CYP24A1: variants seen among roughly 807,000 people sequenced by gnomAD.
CYP24A1 encodes the protein cytochrome P450 family 24 subfamily A member 1.
In CYP24A1, 68 loss-of-function variants were observed where a neutral mutation model predicts 62.4. The ratio of observed to expected loss-of-function variants is 1.09; its 90% CI spans 0.90 to 1.33. The LOEUF (loss-of-function observed/expected upper bound fraction) is 1.33. Among genes scored for constraint, CYP24A1 ranks in the 40% most tolerant of loss-of-function variants. CYP24A1 has a pLI of 0.00. For missense variants in CYP24A1, 787 were observed against 653.0 expected (o/e 1.21, Z -2.24); for synonymous variants, 267 against 253.0 (o/e 1.06, Z -0.52).
intron 2 of CYP24A1, 178 bp downstream of exon 2, chr20:54,172,731 G>A (rs2092698068): frequency 1.4e-6 from 2 of 1,408,154 alleles, no homozygotes; most frequent in Non-Finnish European, 1.9e-6. Flanking sequence ...TCCGTGGACC[G>A]ACTCTAATCT....
intron 5 of CYP24A1, 116 bp downstream of exon 5, chr20:54,165,626 A>C: frequency 1.3e-6 from 1 of 749,232 alleles, no homozygotes; most frequent in Non-Finnish European, 2.4e-6. Context: ...TGAACACTTA[A>C]CTATTGAAAT....
rs2146514913 is a variant in CYP24A1 at position 54,173,240 on chromosome 20, C to T, written c.258+82G>A. 1.3e-6 allele frequency: 2 copies of T among 1,504,862 alleles called. No homozygotes were observed. Among genetic ancestry groups the T allele is most frequent in the South Asian group, 1.1e-5 (1 of 87,474 alleles). The allele number at this position is 1,504,862 out of a possible 1,614,324, so 93.2% of individuals were successfully genotyped here. A position where few individuals can be genotyped will look rare whatever the true frequency, so the allele number is the denominator to read the frequency against. Reference sequence around the variant, plus strand: ...GCCGAAGCGCACCATGCGCCCGAGGCGCGCATGTCGGGGAGGGTTTGGAGC... The same window carrying T: ...GCCGAAGCGCACCATGCGCCCGAGGTGCGCATGTCGGGGAGGGTTTGGAGC... On this transcript the variant is annotated intron_variant, in intron 1 of 11. Coordinates refer to ENST00000216862, the MANE Select transcript of CYP24A1 (RefSeq NM_000782.5). This position sits in a 1 kb window ranked among gnomAD's most constrained non-coding sequence, Gnocchi z 7.2.
At chr20:54,156,273 C>T (rs1782363233) in intron 11 of CYP24A1, among the ~76,000 whole-genome samples, 1 of 152,060 alleles carries the variant, frequency 6.6e-6, no homozygotes, top group Non-Finnish European at 1.5e-5. Context: ...AAAGGGCTTT[C>T]CAGATGAAAT....
At chr20:54,161,269 C>T (rs538558753) in intron 7 of CYP24A1, among the ~76,000 whole-genome samples, 1 of 152,238 alleles carries the variant, frequency 6.6e-6, no homozygotes, top group African/African-American at 2.4e-5. Flanking sequence ...CTGTGGCTGG[C>T]TCTTCTCATT....
In CYP24A1 at chr20:54,173,517, C is replaced by G. The variant is rs1055796208; in HGVS notation, c.63G>C (p.Pro21=). Residue 21 remains proline (P), a synonymous_variant, in exon 1 of 12, where the codon CCG becomes CCC. Transcript: ENST00000216862. This position sits in a 1 kb window ranked among gnomAD's most constrained non-coding sequence, Gnocchi z 7.2. ...ATGTCACCAGTCTCGGGGGCTGCCT[C>G]GGACTGCGCAGCTGCTGCAGGAAGG... The part of the protein sequence containing the change: ...LAAFLQQLRS[P]RQPPRLVTST... 6.4e-7 allele frequency: 1 copy of G among 1,571,284 alleles called. No homozygotes were observed. Among genetic ancestry groups the G allele is most frequent in the Admixed American group, 1.8e-5 (1 of 55,238 alleles).
chr20:54,163,326 A>G (rs534746292), intron 6 of CYP24A1, among the ~76,000 whole-genome samples: 16 of 152,354 alleles, frequency 1.1e-4, no homozygotes, highest in African/African-American at 3.4e-4. Flanking sequence ...CCCCACATAC[A>G]TACGCACAAG....
rs773223106 is a variant in CYP24A1 at position 54,173,584 on chromosome 20, G to C, written c.-5C>G. On this transcript the variant is annotated 5_prime_UTR_variant, in exon 1 of 12. Coordinates refer to ENST00000216862, the MANE Select transcript of CYP24A1 (RefSeq NM_000782.5). This position sits in a 1 kb window ranked among gnomAD's most constrained non-coding sequence, Gnocchi z 7.2. ...CTTGCTGATGGGGGAGCTCATGGCA[G>C]CGGGGGACACCGGAGCGCGGGAAGG... 1 of 1,571,608 alleles carries C rather than the reference G, an allele frequency of 6.4e-7. No homozygotes were observed.
intron 4 of CYP24A1, 94 bp from the exon 5 acceptor site, chr20:54,165,927 C>T (rs2092670380): frequency 1.2e-6 from 1 of 829,912 alleles, no homozygotes; most frequent in Admixed American, 1.8e-5. Flanking sequence ...TTCTATGCCT[C>T]TTAAAAGTGT....
the CYP24A1 span, among the ~76,000 whole-genome samples, chr20:54,148,127 T>C: frequency 6.6e-6 from 1 of 152,162 alleles, no homozygotes; most frequent in Non-Finnish European, 1.5e-5. Flanking sequence ...TGAGCCACTG[T>C]GCCCGGCCTG....
chr20:54,156,068 C>T (rs2092626843), intron 11 of CYP24A1, among the ~76,000 whole-genome samples: 1 of 152,124 alleles, frequency 6.6e-6, no homozygotes, highest in Non-Finnish European at 1.5e-5. Flanking sequence ...GTGTTCAATA[C>T]AGGCTGATAA....
intron 11 of CYP24A1, 55 bp downstream of exon 11, chr20:54,157,114 A>C: frequency 1.2e-6 from 1 of 868,960 alleles, no homozygotes. Flanking sequence ...AGCATAGCTC[A>C]TCCCTCGTCA....
Position 54,158,073 on chromosome 20 carries a change from A to G in CYP24A1, c.1236+13T>C, listed in dbSNP as rs34687513. The G allele has an allele frequency of 3.7e-5, 60 of 1,613,262 alleles. No individual in the cohort carries two copies. The Middle Eastern group carries it at 1.2e-3, about 31-fold the overall frequency. The stretch of plus-strand genomic sequence containing the variant: ...AGGTTTTGTAAGGTATAGAATATAC[A>G]AATTCTACTTACTCCTTTGGGTAAA... On this transcript the variant is annotated intron_variant, in intron 9 of 11. Coordinates refer to ENST00000216862, the MANE Select transcript of CYP24A1 (RefSeq NM_000782.5).
chr20:54,154,983 AG>A lies in CYP24A1; in HGVS notation c.*11-223del, dbSNP rs2092622165. ...AAAAAAAAAAAAAAAAAAAAAAAAA[AG>A]GTATACCCTAATTGTATATCAAAGA... is the stretch of plus-strand genomic sequence containing the variant. On this transcript the variant is annotated intron_variant, in intron 11 of 11. Coordinates refer to ENST00000216862, the MANE Select transcript of CYP24A1 (RefSeq NM_000782.5). 3 of 135,090 alleles carry A rather than the reference AG, an allele frequency of 2.2e-5. No homozygotes were observed. In the Admixed American group the frequency reaches 2.3e-4, roughly 10 times the overall value. 8.4% of individuals were successfully genotyped at this position (135,090 alleles called of 1,614,324 possible).
downstream of CYP24A1, among the ~76,000 whole-genome samples, chr20:54,149,978 CA>C (rs146030482): frequency 0.017 from 2,516 of 152,280 alleles, 29 homozygotes; most frequent in African/African-American, 0.024. Flanking sequence ...AAAGCTTTTC[CA>C]ACACCGGAAG....
chr20:54,153,133 G>C (rs1601118220), downstream of CYP24A1, among the ~76,000 whole-genome samples: 1 of 152,264 alleles, frequency 6.6e-6, no homozygotes, highest in East Asian at 1.9e-4. Context: ...ATACAAGAGA[G>C]AACAGGCTCC....
intron 2 of CYP24A1, 161 bp downstream of exon 2, chr20:54,172,748 G>C (rs576325604): frequency 6.7e-7 from 1 of 1,483,376 alleles, no homozygotes; most frequent in East Asian, 2.5e-5. Flanking sequence ...ATCTGTACAA[G>C]AGCTCAGGGT....
At chr20:54,169,474 C>T (rs2092686146) in intron 4 of CYP24A1, 118 bp downstream of exon 4, 1 of 1,563,102 alleles carries the variant, frequency 6.4e-7, no homozygotes. Context: ...AAAAGGGCTG[C>T]TCTGGCCTTT....
chr20:54,145,405 T>C, the CYP24A1 span, among the ~76,000 whole-genome samples: 16 of 152,062 alleles, frequency 1.1e-4, no homozygotes, highest in African/African-American at 3.9e-4. Flanking sequence ...TGTTTCTCTA[T>C]AAGGCGGGCA....
At chr20:54,155,166 G>T (rs929385452) in intron 11 of CYP24A1, among the ~76,000 whole-genome samples, 1 of 152,034 alleles carries the variant, frequency 6.6e-6, no homozygotes, top group Admixed American at 6.6e-5. Context: ...CAGTTCTGTT[G>T]GTTGGGATGC....
Sources: allele counts gnomAD v4.1 joint callset (sites outside exome capture counted in the v4.1 genomes callset), GRCh38; gene constraint gnomAD v4.1.1; non-coding constraint Gnocchi (gnomAD v3.1); transcripts MANE v1.5; gene names NCBI Gene and HGNC (gene_info 2026-07-23, HGNC 2026-07-21).